The following ERCC6L2 variants were observed in gnomAD, a reference collection of about 807,000 sequenced individuals.
The protein encoded by ERCC6L2 is ERCC excision repair 6 like 2, also known as DNA excision repair protein ERCC-6-like 2.
Under a neutral mutation model 132.0 loss-of-function variants are expected in ERCC6L2, and 77 were observed. The ratio of observed to expected loss-of-function variants is 0.58; its 90% CI spans 0.49 to 0.71. ERCC6L2 has a LOEUF of 0.71. ERCC6L2 is among the 30% of genes least tolerant of loss of function. The pLI is 0.00. For missense variants in ERCC6L2, 1,542 were observed against 1,837.6 expected (o/e 0.84, Z 2.94); for synonymous variants, 583 against 632.4 (o/e 0.92, Z 1.17).
At chr9:95,946,266 C>T (rs1831059214) in intron 12 of ERCC6L2, among the ~76,000 whole-genome samples, 1 of 152,166 alleles carries the variant, frequency 6.6e-6, no homozygotes, top group Non-Finnish European at 1.5e-5. Flanking sequence ...CAGTGGCTCA[C>T]ACCTGTAATC....
intron 13 of ERCC6L2, among the ~76,000 whole-genome samples, chr9:95,959,139 G>A (rs1399429998): frequency 6.6e-6 from 1 of 151,656 alleles, no homozygotes; most frequent in Admixed American, 6.6e-5. Context: ...ATACTACAAG[G>A]CTACAGTAAC....
intron 12 of ERCC6L2, among the ~76,000 whole-genome samples, chr9:95,941,764 A>G (rs1172293134): frequency 6.6e-6 from 1 of 152,176 alleles, no homozygotes; most frequent in Non-Finnish European, 1.5e-5. Context: ...ATATGACAGA[A>G]ATGACTTAAG....
downstream of ERCC6L2, among the ~76,000 whole-genome samples, chr9:96,019,354 T>C (rs1473827451): frequency 1.3e-5 from 2 of 152,158 alleles, no homozygotes; most frequent in Non-Finnish European, 2.9e-5. Context: ...CCCCTCTGCT[T>C]GCCTCCCAGC....
rs1304208134 is a variant in ERCC6L2 at position 95,947,713 on chromosome 9, G to A, written c.1847+6164G>A. 3.9e-5 allele frequency among the ~76,000 whole-genome samples: 6 copies of A among 152,282 alleles called. 1 individual carries two copies. Among genetic ancestry groups the A allele is most frequent in the Admixed American group, 3.9e-4 (6 of 15,288 alleles). On this transcript the variant is annotated intron_variant, in intron 12 of 18. Transcript: ENST00000653738. ...ATGGAGCTGGTGACTTTAAGTTAAAGCCAGTGCTCATTTACCATTCCGAAA... is the reference window on the plus strand; with the variant it reads ...ATGGAGCTGGTGACTTTAAGTTAAAACCAGTGCTCATTTACCATTCCGAAA...
intron 6 of ERCC6L2, among the ~76,000 whole-genome samples, chr9:95,920,934 G>A (rs10988581): frequency 0.13 from 19,748 of 152,034 alleles, 1,356 homozygotes; most frequent in South Asian, 0.24. Flanking sequence ...GTGGCACCAC[G>A]CCCAGCTAAT....
At chr9:95,988,721 G>T (rs1833188528) in intron 17 of ERCC6L2, among the ~76,000 whole-genome samples, 1 of 152,230 alleles carries the variant, frequency 6.6e-6, no homozygotes, top group East Asian at 1.9e-4. Context: ...GACCAACTGT[G>T]TGGGGGATTT....
intron 11 of ERCC6L2, among the ~76,000 whole-genome samples, chr9:95,936,528 C>T (rs636311): frequency 0.96 from 146,476 of 152,268 alleles, 70,507 homozygotes; most frequent in East Asian, 1. Context: ...GTGTTAAGGC[C>T]ATATGGATGT....
chr9:95,901,719 C>T (rs529093305), intron 3 of ERCC6L2, among the ~76,000 whole-genome samples: 1 of 152,288 alleles, frequency 6.6e-6, no homozygotes, highest in African/African-American at 2.4e-5. Flanking sequence ...CATTCTGCCA[C>T]TATTATGGAT....
chr9:95,921,388 A>G (rs1299157445), intron 7 of ERCC6L2, 73 bp downstream of exon 7: 1 of 1,239,322 alleles, frequency 8.1e-7, no homozygotes, highest in Non-Finnish European at 1.1e-6. Context: ...AAAAGAAAGT[A>G]GCAGATGATA....
At chr9:95,923,222 A>G in intron 8 of ERCC6L2, 38 bp from the exon 9 acceptor site, 2 of 1,605,200 alleles carry the variant, frequency 1.2e-6, no homozygotes, top group South Asian at 1.1e-5. Flanking sequence ...TGAATGTGTT[A>G]AGTGGAAATA....
In ERCC6L2 at chr9:96,012,261, G is replaced by A. The variant is rs543113205; in HGVS notation, c.3711G>A (p.Ser1237=). ...QFEEMASYFN[S]SSVNEFAKHI... is the part of the protein sequence containing the mutation. ...AAGAAATGGCCTCTTATTTTAACTC[G>A]TCTTCTGTAAACGAATTTGCTAAAC... is the stretch of plus-strand genomic sequence containing the variant. The change falls in exon 19 of 19, where the codon TCG becomes TCA. Residue 1237 remains serine, a synonymous_variant. Transcript: ENST00000653738. 44 of 1,290,104 alleles carry A rather than the reference G, an allele frequency of 3.4e-5. No individual in the cohort carries two copies. The highest frequency in any genetic ancestry group is 1.2e-4 in the Admixed American group (5 of 41,692). 79.9% of individuals were successfully genotyped at this position (1,290,104 alleles called of 1,614,324 possible). A position where few individuals can be genotyped will look rare whatever the true frequency, so the allele number is the denominator to read the frequency against.
At chr9:95,979,224 GT>G (rs1289367133) in intron 17 of ERCC6L2, among the ~76,000 whole-genome samples, 1 of 152,190 alleles carries the variant, frequency 6.6e-6, no homozygotes, top group Non-Finnish European at 1.5e-5. Context: ...ATGTGGAAAT[GT>G]GTGTGGGCAG....
At chr9:95,984,738 A>G (rs1833032282) in intron 17 of ERCC6L2, among the ~76,000 whole-genome samples, 1 of 152,226 alleles carries the variant, frequency 6.6e-6, no homozygotes, top group African/African-American at 2.4e-5. Context: ...TTAATACTTT[A>G]TGAATAAATA....
chr9:96,034,289 G>T (rs571847406), intron 19 of ERCC6L2, among the ~76,000 whole-genome samples: 8 of 152,200 alleles, frequency 5.3e-5, no homozygotes, highest in African/African-American at 1.9e-4. Context: ...TATTGCTCTG[G>T]TTTGTAAATG....
Position 95,937,417 on chromosome 9 carries a change from G to T in ERCC6L2, c.1752-4037G>T, listed in dbSNP as rs1007575865. Among the ~76,000 whole-genome samples the T allele has an allele frequency of 5.9e-5, 9 of 152,030 alleles. 1 individual carries two copies. In the South Asian group the frequency reaches 1.7e-3, roughly 28 times the overall value. On this transcript the variant is annotated intron_variant, in intron 11 of 18. Coordinates refer to ENST00000653738, the MANE Select transcript of ERCC6L2 (RefSeq NM_020207.7). ...TTCATGTGCTTCTTGTATAAAGCTG[G>T]TGTTAATGCTTCTGTAAATGGTAAA...
chr9:95,912,620 T>G (rs929190297), intron 4 of ERCC6L2, among the ~76,000 whole-genome samples: 1 of 152,214 alleles, frequency 6.6e-6, no homozygotes, highest in Non-Finnish European at 1.5e-5. Flanking sequence ...TAATAGCAAT[T>G]AAAATTTCCT....
At chr9:95,910,825 A>T (rs962240127) in intron 4 of ERCC6L2, among the ~76,000 whole-genome samples, 3 of 151,860 alleles carry the variant, frequency 2.0e-5, no homozygotes, top group Non-Finnish European at 2.9e-5. Context: ...AGGCATAGAG[A>T]GGTTAAATAA....
chr9:95,887,959 T>C (rs1008437167), intron 2 of ERCC6L2, among the ~76,000 whole-genome samples: 1 of 152,164 alleles, frequency 6.6e-6, no homozygotes, highest in Non-Finnish European at 1.5e-5. Context: ...AATGTACTAG[T>C]ATTTCACAGA....
chr9:95,951,435 A>G (rs1021091326), intron 12 of ERCC6L2, among the ~76,000 whole-genome samples: 3 of 152,178 alleles, frequency 2.0e-5, no homozygotes, highest in Admixed American at 2.0e-4. Context: ...TAGCCAGAGG[A>G]AGGAAATAAC....
Sources: gnomAD v4.1 joint callset for allele counts (sites outside exome capture counted in the v4.1 genomes callset) on GRCh38, gnomAD v4.1.1 for gene constraint, MANE v1.5 for transcripts, NCBI Gene and HGNC (gene_info 2026-07-23, HGNC 2026-07-21) for gene names.